Variants in NBAS observed in about 807,000 individuals in gnomAD.
The protein encoded by NBAS is NBAS subunit of NRZ tethering complex.
In NBAS, 219 loss-of-function variants were observed where a neutral mutation model predicts 302.5. The ratio of observed to expected loss-of-function variants is 0.72; its 90% CI spans 0.65 to 0.81. NBAS has a LOEUF of 0.81. NBAS is among the 30% of genes least tolerant of loss of function. The pLI is 0.00. For synonymous variants in NBAS, 1,118 were observed against 1,021.6 expected (o/e 1.09, Z -1.80); for missense variants, 2,932 against 2,841.6 (o/e 1.03, Z -0.72).
the NBAS span, among the ~76,000 whole-genome samples, chr2:14,843,582 A>ACACACACACACACAC: frequency 3.5e-3 from 525 of 150,894 alleles, 3 homozygotes; most frequent in African/African-American, 9.9e-3. Context: ...ACACACACAC[A>ACACACACACACACAC]AAAATACCTT....
chr2:15,367,658 T>C (rs528065323), intron 31 of NBAS, among the ~76,000 whole-genome samples: 2 of 152,298 alleles, frequency 1.3e-5, no homozygotes, highest in East Asian at 3.9e-4. Flanking sequence ...TCCTTTATCC[T>C]TTCCTAAACC....
the NBAS span, among the ~76,000 whole-genome samples, chr2:15,133,985 C>T: frequency 6.6e-6 from 1 of 152,036 alleles, no homozygotes; most frequent in African/African-American, 2.4e-5. Context: ...GACATCCCCA[C>T]TTCCATGCCC....
chr2:14,976,487 C>G, the NBAS span, among the ~76,000 whole-genome samples: 1 of 152,188 alleles, frequency 6.6e-6, no homozygotes, highest in African/African-American at 2.4e-5. Context: ...ACATTCCAGG[C>G]ATTCAATTGA....
chr2:15,111,530 G>A, the NBAS span, among the ~76,000 whole-genome samples: 1 of 152,050 alleles, frequency 6.6e-6, no homozygotes, highest in African/African-American at 2.4e-5. Flanking sequence ...AATTTATTGT[G>A]ACTGAGGGGT....
At chr2:15,106,469 C>CTCTCTCTG in the NBAS span, among the ~76,000 whole-genome samples, 1 of 151,706 alleles carries the variant, frequency 6.6e-6, no homozygotes, top group Non-Finnish European at 1.5e-5. Flanking sequence ...CTCTCTCTCT[C>CTCTCTCTG]TCTCTCTCTC....
At chr2:15,379,009 T>C (rs1445486183) in intron 30 of NBAS, among the ~76,000 whole-genome samples, 1 of 152,164 alleles carries the variant, frequency 6.6e-6, no homozygotes, top group Non-Finnish European at 1.5e-5. Flanking sequence ...AAAAAATCGC[T>C]GCAATTGGGT....
At chr2:15,154,885 C>T in the NBAS span, among the ~76,000 whole-genome samples, 1 of 151,418 alleles carries the variant, frequency 6.6e-6, no homozygotes, top group East Asian at 2.0e-4. Flanking sequence ...GAAGCTGCTC[C>T]CTCCAGCCCT....
At chr2:14,892,085 C>T in the NBAS span, among the ~76,000 whole-genome samples, 1 of 152,030 alleles carries the variant, frequency 6.6e-6, no homozygotes, top group Non-Finnish European at 1.5e-5. Context: ...GCTCTAATTC[C>T]CTGGCATGGC....
chr2:15,034,015 GAAGAA>G, the NBAS span, among the ~76,000 whole-genome samples: 808 of 50,756 alleles, frequency 0.016, 32 homozygotes, highest in African/African-American at 0.078. Flanking sequence ...AGAAGAAGAA[GAAGAA>G]GAAGAAGAGG....
chr2:15,293,151 T>A (rs995476176), intron 40 of NBAS, among the ~76,000 whole-genome samples: 1 of 152,196 alleles, frequency 6.6e-6, no homozygotes, highest in African/African-American at 2.4e-5. Context: ...TTCATCGCCA[T>A]TGCCTCTGGA....
At chr2:15,454,943 G>A (rs79749680) in intron 21 of NBAS, among the ~76,000 whole-genome samples, 2,656 of 149,198 alleles carry the variant, frequency 0.018, 60 homozygotes, top group East Asian at 0.06. Flanking sequence ...TCACTCTGTC[G>A]TCAAGCTGGA....
chr2:15,042,120 C>T, the NBAS span, among the ~76,000 whole-genome samples: 89 of 152,312 alleles, frequency 5.8e-4, no homozygotes, highest in Middle Eastern at 0.01. Flanking sequence ...CATGTAAAAA[C>T]GGAGTCCAAA....
the NBAS span, among the ~76,000 whole-genome samples, chr2:15,125,385 A>G: frequency 3.9e-5 from 6 of 152,248 alleles, no homozygotes; most frequent in South Asian, 2.1e-4. Flanking sequence ...GAGAGGGGAG[A>G]GGTGTCATAC....
At chr2:15,033,881 G>T in the NBAS span, among the ~76,000 whole-genome samples, 7 of 151,754 alleles carry the variant, frequency 4.6e-5, no homozygotes, top group Non-Finnish European at 8.8e-5. Context: ...CTAGGGGGCA[G>T]AGTTTGCAGT....
chr2:14,779,764 G>A, the NBAS span, among the ~76,000 whole-genome samples: 1 of 152,160 alleles, frequency 6.6e-6, no homozygotes, highest in African/African-American at 2.4e-5. Context: ...TCTGGGCTGT[G>A]ACCTGAGGAA....
chr2:15,467,504 C>T, intron 18 of NBAS, 97 bp from the exon 19 acceptor site: 2 of 1,313,282 alleles, frequency 1.5e-6, no homozygotes, highest in Non-Finnish European at 2.2e-6. Flanking sequence ...GAGCCCAAAA[C>T]TCATGAAACA....
chr2:15,424,554 TG>T, intron 22 of NBAS, 86 bp from the exon 23 acceptor site: 2 of 1,480,508 alleles, frequency 1.4e-6, no homozygotes, highest in South Asian at 1.1e-5. Context: ...GGGACAGAGA[TG>T]GGGAGAAAGT....
At chr2:15,101,342 G>A in the NBAS span, among the ~76,000 whole-genome samples, 4 of 151,698 alleles carry the variant, frequency 2.6e-5, no homozygotes, top group African/African-American at 9.7e-5. Context: ...AAACAATTTA[G>A]GATATTATCT....
intron 5 of NBAS, 56 bp downstream of exon 5, chr2:15,553,370 A>G: frequency 1.4e-6 from 2 of 1,448,796 alleles, no homozygotes; most frequent in Non-Finnish European, 1.9e-6. Flanking sequence ...TTCCATTTAT[A>G]GAGTAACAAA....
Sources: gnomAD v4.1 joint callset for allele counts (sites outside exome capture counted in the v4.1 genomes callset) on GRCh38, gnomAD v4.1.1 for gene constraint, MANE v1.5 for transcripts, NCBI Gene and HGNC (gene_info 2026-07-23, HGNC 2026-07-21) for gene names.